Variants in USHBP1 observed in about 807,000 individuals in gnomAD.
USHBP1 encodes USH1 protein network component harmonin binding protein 1, also known as harmonin-binding protein USHBP1.
A neutral mutation model predicts 76.2 loss-of-function variants in USHBP1; 67 were observed. That is an observed-to-expected ratio of 0.88 (90% CI 0.72 to 1.08). The LOEUF (loss-of-function observed/expected upper bound fraction) is 1.08, where lower values mean the gene tolerates loss of function less well. USHBP1 is among the 50% of genes least tolerant of loss of function. The pLI, the probability that USHBP1 is intolerant of heterozygous loss-of-function variation, is 0.00. For synonymous variants in USHBP1, 322 were observed against 362.2 expected, an observed-to-expected ratio of 0.89 and a Z score of 1.26; for missense variants, 931 against 915.0, an observed-to-expected ratio of 1.02 and a Z score of -0.23.
At position 17,255,433 on chromosome 19, in the gene USHBP1, T is replaced by C. The variant is rs758741392; in HGVS notation, c.1644A>G (p.Gly548=). ...CGCTGCTGCCACCTCCGCTGCTATG[T>C]CCGCCACTGCTGTTTGCCCCACCAG... ...LQAGGANSSG[G]HSSGGGSSGD... Residue 548 remains glycine (G), a synonymous_variant, in exon 10 of 13, where the codon GGA becomes GGG. Transcript: ENST00000252597. The C allele has an allele frequency of 6.8e-6, 11 of 1,614,044 alleles. No homozygotes were observed. The African/African-American group carries it at 1.5e-4, about 22-fold the overall frequency.
chr19:17,259,946 C>T lies in USHBP1; in HGVS notation c.719G>A (p.Gly240Asp). The change falls in exon 5 of 13, where the codon GGC (glycine) becomes GAC (aspartate). Residue 240 changes from glycine to aspartate, a missense_variant. By Grantham distance (94) the Gly-to-Asp change is moderately conservative. Transcript: ENST00000252597. The stretch of plus-strand genomic sequence containing the variant: ...TGCCTCAGAGCTGCTAGAACCACTG[C>T]CTGAGCCACCTGCTTGGTTGTGGGA... ...HLSHNQAGGS[G>D]SGSSSSEADR... 4 of 1,614,078 alleles carry T rather than the reference C, an allele frequency of 2.5e-6. No homozygotes were observed. The highest frequency in any genetic ancestry group is 2.5e-6 in the Non-Finnish European group (3 of 1,179,984).
chr19:17,259,803 C>T lies in USHBP1; in HGVS notation c.769-71G>A, dbSNP rs542120160. 208 of 1,582,190 alleles carry T rather than the reference C, an allele frequency of 1.3e-4. 1 individual carries two copies. Among genetic ancestry groups the T allele is most frequent in the Admixed American group, 4.9e-4 (28 of 56,912 alleles). ...CCTGGGATTGTAGGCATTTTGCAAC[C>T]CCAAAGCTGTTGGATCCCATGACAA... On this transcript the variant is annotated intron_variant, in intron 5 of 12. Transcript: ENST00000252597.
Position 17,264,286 on chromosome 19 carries a change from G to T in USHBP1, c.14C>A (p.Ala5Asp). 2 of 1,612,854 alleles carry T rather than the reference G, an allele frequency of 1.2e-6. No homozygotes were observed. Among genetic ancestry groups the T allele is most frequent in the Non-Finnish European group, 1.7e-6 (2 of 1,179,750 alleles). Residue 5 changes from alanine (A) to aspartate (D), a missense_variant, in exon 2 of 13, where the codon GCC (alanine) becomes GAC (aspartate). Transcript: ENST00000252597. ...CCCTCGCCGGCTTCGGGGCCGCGTG[G>T]CCCGGGCACTCATTGCTGTCCAGAA... Reference protein sequence around the residue: MSARATRPRSRRGRH... With the variant: MSARDTRPRSRRGRH...
intron 8 of USHBP1, 141 bp downstream of exon 8, chr19:17,258,071 A>G: frequency 4.3e-6 from 5 of 1,169,826 alleles, no homozygotes; most frequent in Non-Finnish European, 4.8e-6. Flanking sequence ...CCTCATGTCA[A>G]CCAACTACAG....
At position 17,250,042 on chromosome 19, in the gene USHBP1, CT is replaced by C; in HGVS notation, c.*182del. 1.5e-6 allele frequency: 1 copy of C among 662,978 alleles called. No individual in the cohort carries two copies. Among genetic ancestry groups the C allele is most frequent in the East Asian group, 2.9e-5 (1 of 34,056 alleles). 41.1% of individuals were successfully genotyped at this position (662,978 alleles called of 1,614,324 possible). A position where few individuals can be genotyped will look rare whatever the true frequency, so the allele number is the denominator to read the frequency against. On this transcript the variant is annotated 3_prime_UTR_variant, in exon 13 of 13. Transcript: ENST00000252597. ...CCACTTGGTGCCAGGCCAAAGACAC[CT>C]GAGTCTTTCTTCATTGCCTGGCCAC...
rs2073646087 is a variant in USHBP1, at chr19:17,258,323, C to A, written c.1109G>T (p.Gly370Val). 6.2e-7 allele frequency: 1 copy of A among 1,613,986 alleles called. No individual in the cohort carries two copies. Among genetic ancestry groups the A allele is most frequent in the Admixed American group, 1.7e-5 (1 of 59,990 alleles). The change falls in exon 8 of 13, where the codon GGA becomes GTA. Residue 370 changes from glycine to valine, a missense_variant. Gly to Val is a moderately radical substitution (Grantham distance 109). Transcript: ENST00000252597. Reference protein sequence around the residue: ...LALREADSGAGDEAPMSDLQA... With the variant: ...LALREADSGAVDEAPMSDLQA... ...CAGGTCACTCATGGGGGCTTCGTCT[C>A]CTGCTCCTGAGTCGGCCTCCCGCAG...
At chr19:17,263,920 C>CA (rs2145597860) in intron 3 of USHBP1, 82 bp downstream of exon 3, 2 of 1,433,350 alleles carry the variant, frequency 1.4e-6, no homozygotes, top group Non-Finnish European at 1.8e-6. Flanking sequence ...GGTGTGTGAG[C>CA]AGAGCAGGCA....
In USHBP1 at chr19:17,258,202, AG is replaced by A. The variant is rs763050648; in HGVS notation, c.1220+9del. 1.1e-5 allele frequency: 18 copies of A among 1,612,974 alleles called. No individual in the cohort carries two copies. The East Asian group carries it at 2.2e-4, about 20-fold the overall frequency. ...CAACCAGGCCAGTTCCCAGGGTTCC[AG>A]GGGGGTACCTTGGCTGTGGATTCTG... On this transcript the variant is annotated intron_variant, in intron 8 of 12. Transcript: ENST00000252597.
chr19:17,256,722 T>A lies in USHBP1; in HGVS notation c.1221-2A>T. ...TTATCCACACTGCTGCCTTCAGGGC[T>A]ATAGAAAACAGAAAAGGTGCCTATG... On this transcript the variant is annotated splice_acceptor_variant, in intron 8 of 12. Coordinates refer to ENST00000252597, the MANE Select transcript of USHBP1 (RefSeq NM_031941.4). LOFTEE classifies it high-confidence loss of function. 6.2e-7 allele frequency: 1 copy of A among 1,614,048 alleles called. No homozygotes were observed. Among genetic ancestry groups the A allele is most frequent in the Non-Finnish European group, 8.5e-7 (1 of 1,180,018 alleles).
intron 12 of USHBP1, among the ~76,000 whole-genome samples, chr19:17,251,172 T>G (rs998309849): frequency 1.8e-4 from 27 of 149,538 alleles, no homozygotes; most frequent in Admixed American, 6.6e-4. Context: ...GCCTGTTGTT[T>G]TTTTTTTTTT....
intron 8 of USHBP1, 68 bp downstream of exon 8, chr19:17,258,144 G>C: frequency 6.2e-7 from 1 of 1,602,184 alleles, no homozygotes; most frequent in Non-Finnish European, 8.5e-7. Context: ...GTGAGCTCTG[G>C]GAGCCCCATC....
intron 10 of USHBP1, 113 bp from the exon 11 acceptor site, chr19:17,252,130 C>T (rs1266454902): frequency 1.0e-6 from 1 of 965,508 alleles, no homozygotes. Context: ...TCTCAGAGAC[C>T]CACATCTGGT....
rs184887926 is a variant in USHBP1 at position 17,256,650 on chromosome 19, G to C, written c.1291C>G (p.Arg431Gly). Residue 431 changes from arginine to glycine, a missense_variant, in exon 9 of 13, where the codon CGT becomes GGT. Physicochemically the swap from Arg to Gly is moderately radical, Grantham distance 125. Transcript: ENST00000252597. ...ATTAGAGAACGGCGCTCCTGGAGAC[G>C]CTGGACATAGCTTCGGAGCTGGAAA... The part of the protein sequence containing the change: ...VAFQLRSYVQ[R>G]LQERRSLMKI... The C allele has an allele frequency of 1.2e-5, 20 of 1,614,090 alleles. No homozygotes were observed. The highest frequency in any genetic ancestry group is 1.5e-5 in the Non-Finnish European group (18 of 1,180,062).
In USHBP1 at chr19:17,250,363, G is replaced by A. The variant is rs1386123474; in HGVS notation, c.1974C>T (p.Arg658=). The A allele has an allele frequency of 2.5e-6, 4 of 1,613,690 alleles. No individual in the cohort carries two copies. Among genetic ancestry groups the A allele is most frequent in the Non-Finnish European group, 1.7e-6 (2 of 1,179,930 alleles). The change falls in exon 13 of 13, where the codon CGC becomes CGT. Residue 658 remains arginine (R), a synonymous_variant. Transcript: ENST00000252597. ...RGAHRKQEEQ[R]RKLEQQMALM... Reference sequence around the variant, plus strand: ...GTGCCATCTGCTGCTCCAACTTCCGGCGTTGCTCTTCCTGCTTCCGGTGGG... The same window carrying A: ...GTGCCATCTGCTGCTCCAACTTCCGACGTTGCTCTTCCTGCTTCCGGTGGG...
chr19:17,259,616 G>A lies in USHBP1; in HGVS notation c.885C>T (p.Ala295=). The change falls in exon 6 of 13, where the codon GCC becomes GCT. Residue 295 remains alanine (A), a synonymous_variant. Transcript: ENST00000252597. ...CTTACCCCCGGAGTTGCTCCATCTG[G>A]GCTTCCATGATGTGCATCTCAGGAC... The part of the protein sequence containing the change: ...PLSPEMHIME[A]QMEQLRGSIE... 2 of 1,612,240 alleles carry A rather than the reference G, an allele frequency of 1.2e-6. No individual in the cohort carries two copies. The highest frequency in any genetic ancestry group is 1.7e-6 in the Non-Finnish European group (2 of 1,179,328).
rs1206777336 is a variant in USHBP1, at chr19:17,249,215, T to A, written c.*1010A>T. ...TTTATTTATTTATTTAGAGACAGAG[T>A]TTTGCTCTTATTGCCCGGGCACGAT... On this transcript the variant is annotated 3_prime_UTR_variant, in exon 13 of 13. Coordinates refer to ENST00000252597, the MANE Select transcript of USHBP1 (RefSeq NM_031941.4). 6.6e-6 allele frequency: 1 copy of A among 152,040 alleles called. No individual in the cohort carries two copies. Among genetic ancestry groups the A allele is most frequent in the African/African-American group, 2.4e-5 (1 of 41,364 alleles). 9.4% of individuals were successfully genotyped at this position (152,040 alleles called of 1,614,324 possible). A position where few individuals can be genotyped will look rare whatever the true frequency, so the allele number is the denominator to read the frequency against.
intron 10 of USHBP1, among the ~76,000 whole-genome samples, chr19:17,254,148 C>A (rs1056757522): frequency 9.2e-5 from 14 of 151,528 alleles, no homozygotes; most frequent in Non-Finnish European, 1.8e-4. Flanking sequence ...TCGAGACCAT[C>A]TTGGCTAACA....
At chr19:17,256,763 A>G in intron 8 of USHBP1, 43 bp from the exon 9 acceptor site, 1 of 1,612,566 alleles carries the variant, frequency 6.2e-7, no homozygotes, top group Non-Finnish European at 8.5e-7. Context: ...ACTGGCAGGC[A>G]TAGGTGGGTT....
rs759059138 is a variant in USHBP1, at chr19:17,263,006, C to G, written c.204-16G>C. 1.3e-6 allele frequency: 2 copies of G among 1,508,774 alleles called. No individual in the cohort carries two copies. The highest frequency in any genetic ancestry group is 1.8e-6 in the Non-Finnish European group (2 of 1,128,598). 93.5% of individuals were successfully genotyped at this position (1,508,774 alleles called of 1,614,324 possible). On this transcript the variant is annotated splice_polypyrimidine_tract_variant and intron_variant, in intron 3 of 12. Coordinates refer to ENST00000252597, the MANE Select transcript of USHBP1 (RefSeq NM_031941.4). ...CTTGTCAGTCCTGTGGACACCAACTCAGGCACTTGAGTCACTCCATGCTGG... is the reference window on the plus strand; with the variant it reads ...CTTGTCAGTCCTGTGGACACCAACTGAGGCACTTGAGTCACTCCATGCTGG...
Sources: allele counts gnomAD v4.1 joint callset (sites outside exome capture counted in the v4.1 genomes callset), GRCh38; gene constraint gnomAD v4.1.1; transcripts MANE v1.5; gene names NCBI Gene and HGNC (gene_info 2026-07-23, HGNC 2026-07-21).